GSTCD: variants seen among roughly 807,000 people sequenced by gnomAD.
The protein encoded by GSTCD is glutathione S-transferase C-terminal domain containing, also known as glutathione S-transferase C-terminal domain-containing protein.
Under a neutral mutation model 68.3 loss-of-function variants are expected in GSTCD, and 44 were observed. That is an observed-to-expected ratio of 0.64 (90% CI 0.51 to 0.83). GSTCD has a LOEUF of 0.83. Ranked by LOEUF, GSTCD falls within the 40% of genes least tolerant of loss-of-function variation. GSTCD has a pLI of 0.00. For synonymous variants in GSTCD, 273 were observed against 255.2 expected (o/e 1.07, Z -0.67); for missense variants, 739 against 735.9 (o/e 1.00, Z -0.05).
intron 9 of GSTCD, among the ~76,000 whole-genome samples, chr4:105,836,435 G>T (rs914763509): frequency 6.6e-6 from 1 of 152,170 alleles, no homozygotes; most frequent in Non-Finnish European, 1.5e-5. Flanking sequence ...TGATGGTGGG[G>T]CTTCACCAGG....
chr4:105,751,347 C>A (rs1734003347), intron 5 of GSTCD, among the ~76,000 whole-genome samples: 1 of 151,998 alleles, frequency 6.6e-6, no homozygotes, highest in Non-Finnish European at 1.5e-5. Context: ...TCTCAGCTCA[C>A]CTTTTTTCAA....
chr4:105,733,269 T>A (rs1733322147), intron 5 of GSTCD, among the ~76,000 whole-genome samples: 2 of 152,210 alleles, frequency 1.3e-5, no homozygotes, highest in South Asian at 4.1e-4. Context: ...CGTTGATCTG[T>A]CTAATGTTGA....
At chr4:105,808,711 A>G (rs772310251) in intron 5 of GSTCD, among the ~76,000 whole-genome samples, 1 of 152,084 alleles carries the variant, frequency 6.6e-6, no homozygotes, top group African/African-American at 2.4e-5. Flanking sequence ...CCCGCAGTCA[A>G]CTGTGGCCCA....
chr4:105,717,517 T>C (rs1373822987), intron 1 of GSTCD, 76 bp from the exon 2 acceptor site: 16 of 951,820 alleles, frequency 1.7e-5, no homozygotes, highest in Non-Finnish European at 2.5e-5. Context: ...GAACAGGCTT[T>C]TGAAACATTC....
At chr4:105,823,325 C>A in intron 7 of GSTCD, 50 bp downstream of exon 7, 1 of 1,576,594 alleles carries the variant, frequency 6.3e-7, no homozygotes, top group South Asian at 1.1e-5. Flanking sequence ...TTATACAGTT[C>A]AGCTAGCCAA....
At chr4:105,749,633 C>A (rs1733938703) in intron 5 of GSTCD, among the ~76,000 whole-genome samples, 2 of 150,970 alleles carry the variant, frequency 1.3e-5, no homozygotes, top group Non-Finnish European at 1.5e-5. Context: ...AAATCTCTAC[C>A]TAAATTGCAC....
At chr4:105,711,248 C>A (rs1210978211) in intron 1 of GSTCD, among the ~76,000 whole-genome samples, 1 of 149,834 alleles carries the variant, frequency 6.7e-6, no homozygotes, top group Admixed American at 6.6e-5. Flanking sequence ...AAATTTTAAT[C>A]TTTAAGAAAA....
At chr4:105,750,229 C>G (rs144678269) in intron 5 of GSTCD, among the ~76,000 whole-genome samples, 1 of 151,900 alleles carries the variant, frequency 6.6e-6, no homozygotes, top group South Asian at 2.1e-4. Flanking sequence ...TTTGAGAGGC[C>G]GAGGCGGGCG....
chr4:105,820,586 C>T (rs773721100), intron 5 of GSTCD: 76 of 151,852 alleles, frequency 5.0e-4, no homozygotes, highest in African/African-American at 1.8e-3. Context: ...CCTGGAGCTT[C>T]GTAATATTTA....
At chr4:105,823,123 T>C (rs768333236) in intron 6 of GSTCD, 54 bp downstream of exon 6, 6 of 1,569,910 alleles carry the variant, frequency 3.8e-6, no homozygotes, top group Non-Finnish European at 5.3e-6. Context: ...ATGAGACTTT[T>C]CTATATTACA....
At chr4:105,740,163 G>A (rs568780499) in intron 5 of GSTCD, among the ~76,000 whole-genome samples, 23 of 152,092 alleles carry the variant, frequency 1.5e-4, no homozygotes, top group Admixed American at 1.2e-3. Flanking sequence ...AGGCCCCAGG[G>A]TGCAAGACAT....
Position 105,718,015 on chromosome 4 carries a change from G to A in GSTCD, c.402G>A (p.Lys134=). The change falls in exon 2 of 12, where the codon AAG becomes AAA. Residue 134 remains lysine, a synonymous_variant. Coordinates refer to ENST00000515279, the MANE Select transcript of GSTCD (RefSeq NM_001370181.1). ...TTTTGGAACTTCTGGGCTTTAAAAA[G>A]ACTTGCTTGAAAGCCTGTGCTGAAG... is the stretch of plus-strand genomic sequence containing the variant. ...KELLELLGFK[K]TCLKACAEVS... 4 of 1,607,354 alleles carry A rather than the reference G, an allele frequency of 2.5e-6. No individual in the cohort carries two copies. The South Asian group carries it at 4.5e-5, about 18-fold the overall frequency.
In GSTCD at chr4:105,731,108, G is replaced by A. The variant is rs1027874648; in HGVS notation, c.1240+1609G>A. On this transcript the variant is annotated intron_variant, in intron 5 of 11. Transcript: ENST00000515279. ...GGTCTATATCTCTGTTTTGGTACCAGTACCATGCTGTTTTGGTTACTGTAG... is the reference window on the plus strand; with the variant it reads ...GGTCTATATCTCTGTTTTGGTACCAATACCATGCTGTTTTGGTTACTGTAG... Among the ~76,000 whole-genome samples, 3 of 152,194 alleles carry A rather than the reference G, an allele frequency of 2.0e-5. No individual in the cohort carries two copies. The East Asian group carries it at 5.8e-4, about 29-fold the overall frequency.
chr4:105,742,013 G>A (rs1733645964), intron 5 of GSTCD, among the ~76,000 whole-genome samples: 1 of 152,168 alleles, frequency 6.6e-6, no homozygotes. Flanking sequence ...GTACTGTCAG[G>A]AGAAATCTCT....
chr4:105,746,517 C>T (rs1452969919), intron 5 of GSTCD: 1 of 152,148 alleles, frequency 6.6e-6, no homozygotes, highest in Admixed American at 6.5e-5. Context: ...TAGCAGATGA[C>T]ATTGCTTGGG....
intron 4 of GSTCD, among the ~76,000 whole-genome samples, chr4:105,727,249 T>C (rs1001183841): frequency 6.6e-6 from 1 of 152,004 alleles, no homozygotes; most frequent in Non-Finnish European, 1.5e-5. Context: ...TAAGGCTGGG[T>C]GTAGTAGCTT....
At chr4:105,725,347 T>C (rs1374398875) in intron 3 of GSTCD, among the ~76,000 whole-genome samples, 1 of 152,124 alleles carries the variant, frequency 6.6e-6, no homozygotes, top group Non-Finnish European at 1.5e-5. Context: ...AATGTTCAAC[T>C]CATTTGAAGC....
intron 5 of GSTCD, among the ~76,000 whole-genome samples, chr4:105,795,864 A>G (rs1249723110): frequency 6.6e-6 from 1 of 151,330 alleles, no homozygotes; most frequent in Non-Finnish European, 1.5e-5. Context: ...TTTTTTTCTA[A>G]CACTATTTGT....
intron 8 of GSTCD, among the ~76,000 whole-genome samples, chr4:105,829,127 C>A (rs1723790031): frequency 6.7e-6 from 1 of 149,228 alleles, no homozygotes; most frequent in South Asian, 2.1e-4. Flanking sequence ...TTAAAAGATT[C>A]TTCTCTGTAG....
Sources: gnomAD v4.1 joint callset for allele counts (sites outside exome capture counted in the v4.1 genomes callset) on GRCh38, gnomAD v4.1.1 for gene constraint, MANE v1.5 for transcripts, NCBI Gene and HGNC (gene_info 2026-07-23, HGNC 2026-07-21) for gene names.